The following RFX3 variants were observed in gnomAD, a reference collection of about 807,000 sequenced individuals.
The protein encoded by RFX3 is transcription factor RFX3.
RFX3 carries 14 observed loss-of-function variants against 98.6 expected under a neutral mutation model. The ratio of observed to expected loss-of-function variants is 0.14; its 90% confidence interval spans 0.09 to 0.22. The LOEUF (loss-of-function observed/expected upper bound fraction) is 0.22, where lower values mean the gene tolerates loss of function less well. Among genes scored for constraint, RFX3 ranks in the 10% least tolerant of loss-of-function variants. The pLI, the probability that RFX3 is intolerant of heterozygous loss-of-function variation, is 1.00. For missense variants in RFX3, 639 were observed against 926.9 expected (o/e 0.69, Z 4.03); for synonymous variants, 383 against 328.4 (o/e 1.17, Z -1.80).
At chr9:3,472,762 A>G (rs1477121790) in intron 1 of RFX3, among the ~76,000 whole-genome samples, 1 of 152,202 alleles carries the variant, frequency 6.6e-6, no homozygotes, top group Non-Finnish European at 1.5e-5. Flanking sequence ...AGGCTTATCA[A>G]ATCCCTATCT....
rs780468867 is a variant in RFX3, at chr9:3,271,106, C to T, written c.1099G>A (p.Val367Ile). ...AGGCTAAATTGAAGATTCACAACAA[C>T]GTCCAATATTGCCTAAAAAACAAAA... is the stretch of plus-strand genomic sequence containing the variant. ...YREHCEAILDVVVNLQFSLIE... is the reference protein window; with the variant it reads ...YREHCEAILDIVVNLQFSLIE... Residue 367 changes from valine to isoleucine, a missense_variant, in exon 10 of 17, where the codon GTT (valine) becomes ATT (isoleucine). By Grantham distance (29) the Val-to-Ile change is conservative (BLOSUM62 3). Transcript: ENST00000617270. 168 of 1,613,468 alleles carry T rather than the reference C, an allele frequency of 1.0e-4. No homozygotes were observed. Among genetic ancestry groups the T allele is most frequent in the Admixed American group, 3.3e-5 (2 of 59,964 alleles).
At position 3,463,816 on chromosome 9, in the gene RFX3, T is replaced by TA. The variant is rs570798019; in HGVS notation, c.-9+61930dup. ...GGAGACCCCAGTATCTACAAAAAGTTAAAAAAAATTAGCCAGGCATGGAGG... is the reference window on the plus strand; with the variant it reads ...GGAGACCCCAGTATCTACAAAAAGTTAAAAAAAAATTAGCCAGGCATGGAGG... On this transcript the variant is annotated intron_variant, in intron 1 of 16. Coordinates refer to ENST00000617270, the MANE Select transcript of RFX3 (RefSeq NM_001282116.2). Among the ~76,000 whole-genome samples, 319 of 151,558 alleles carry TA rather than the reference T, an allele frequency of 2.1e-3. 2 individuals carry two copies. The highest frequency in any genetic ancestry group is 7.4e-3 in the African/African-American group (305 of 41,318).
At chr9:3,256,330 G>C (rs1489642320) in intron 14 of RFX3, among the ~76,000 whole-genome samples, 1 of 101,736 alleles carries the variant, frequency 9.8e-6, no homozygotes, top group Non-Finnish European at 1.9e-5. Context: ...AGGCACCTAG[G>C]ATTTGTTTCT....
intron 15 of RFX3, chr9:3,247,641 C>T (rs1396318322): frequency 1.2e-5 from 17 of 1,368,200 alleles, no homozygotes; most frequent in Non-Finnish European, 1.4e-5. Flanking sequence ...TTCTTGGAGA[C>T]CGGGAAAGAG....
intron 1 of RFX3, chr9:3,400,374 C>G (rs549548783): frequency 5.3e-6 from 1 of 188,234 alleles, no homozygotes; most frequent in South Asian, 1.8e-4. Flanking sequence ...AACTTTCCAT[C>G]AAGCCTCCAG....
chr9:3,345,569 A>G (rs1382080157), intron 3 of RFX3, among the ~76,000 whole-genome samples: 2 of 152,148 alleles, frequency 1.3e-5, no homozygotes, highest in Admixed American at 1.3e-4. Context: ...TACTTTAAAT[A>G]TATTTCCTTG....
chr9:3,442,308 A>ATGATG (rs1461689146), intron 1 of RFX3, among the ~76,000 whole-genome samples: 3 of 152,144 alleles, frequency 2.0e-5, no homozygotes, highest in Non-Finnish European at 4.4e-5. Flanking sequence ...TTGATACCAT[A>ATGATG]TGATGTGATG....
intron 1 of RFX3, among the ~76,000 whole-genome samples, chr9:3,467,171 A>AC (rs1386181175): frequency 1.6e-5 from 2 of 123,262 alleles, no homozygotes; most frequent in Non-Finnish European, 3.1e-5. Flanking sequence ...ATACGTATAT[A>AC]ATGTATATAT....
rs541554983 is a variant in RFX3 at position 3,517,093 on chromosome 9, A to G, written c.-9+8654T>C. 5.3e-5 allele frequency among the ~76,000 whole-genome samples: 8 copies of G among 152,320 alleles called. No homozygotes were observed. In the South Asian group the frequency reaches 1.5e-3, roughly 28 times the overall value. ...GCAAACAACTTGCTAGCCTTTGAGA[A>G]CATGAGTAAGGGAAATGCCAATTCC... is the stretch of plus-strand genomic sequence containing the variant. On this transcript the variant is annotated intron_variant, in intron 1 of 16. Coordinates refer to ENST00000617270, the MANE Select transcript of RFX3 (RefSeq NM_001282116.2).
chr9:3,293,309 A>G, intron 5 of RFX3, 51 bp from the exon 6 acceptor site: 1 of 1,427,910 alleles, frequency 7.0e-7, no homozygotes, highest in Non-Finnish European at 9.5e-7. Context: ...ATTTGCCAAA[A>G]TTTCTACAAG....
chr9:3,303,544 T>C (rs939720374), intron 4 of RFX3, among the ~76,000 whole-genome samples: 2 of 151,968 alleles, frequency 1.3e-5, no homozygotes, highest in South Asian at 4.1e-4. Flanking sequence ...GAAAGGTAAA[T>C]TACCAGATAC....
chr9:3,477,274 T>C (rs1849353743), intron 1 of RFX3, among the ~76,000 whole-genome samples: 1 of 152,210 alleles, frequency 6.6e-6, no homozygotes, highest in South Asian at 2.1e-4. Context: ...TGCCTGTAGT[T>C]ACCTTTAACC....
chr9:3,507,946 C>T (rs1235313207), intron 1 of RFX3, among the ~76,000 whole-genome samples: 1 of 150,748 alleles, frequency 6.6e-6, no homozygotes, highest in African/African-American at 2.4e-5. Context: ...TGAAAATGGA[C>T]ATGAGACTAT....
chr9:3,403,840 C>T (rs749340953), intron 1 of RFX3, among the ~76,000 whole-genome samples: 2 of 152,128 alleles, frequency 1.3e-5, no homozygotes, highest in Non-Finnish European at 2.9e-5. Context: ...AACAGAGTTT[C>T]CTTTAGATTT....
At chr9:3,274,056 T>A (rs1824884118) in intron 9 of RFX3, among the ~76,000 whole-genome samples, 1 of 152,256 alleles carries the variant, frequency 6.6e-6, no homozygotes, top group East Asian at 1.9e-4. Context: ...GGTAAAAGCA[T>A]AGTAGTCAAA....
chr9:3,255,487 A>T (rs1290225305), intron 14 of RFX3, among the ~76,000 whole-genome samples: 1 of 152,256 alleles, frequency 6.6e-6, no homozygotes, highest in Non-Finnish European at 1.5e-5. Flanking sequence ...GGCTGCACAG[A>T]ATCTACAGTA....
intron 1 of RFX3, among the ~76,000 whole-genome samples, chr9:3,433,133 A>G (rs2132560709): frequency 6.6e-6 from 1 of 152,198 alleles, no homozygotes; most frequent in South Asian, 2.1e-4. Context: ...CTGTATTTTT[A>G]TCTGCATTTG....
chr9:3,474,978 A>T (rs1476607485), intron 1 of RFX3, among the ~76,000 whole-genome samples: 1 of 152,010 alleles, frequency 6.6e-6, no homozygotes, highest in Non-Finnish European at 1.5e-5. Context: ...ACATGCCTAT[A>T]GTCCTAGCTA....
chr9:3,353,153 C>T (rs1180098625), intron 2 of RFX3, among the ~76,000 whole-genome samples: 1 of 139,412 alleles, frequency 7.2e-6, no homozygotes, highest in South Asian at 2.2e-4. Context: ...ACAATGAGAA[C>T]ACATGGACAC....
Sources: gnomAD v4.1 joint callset for allele counts (sites outside exome capture counted in the v4.1 genomes callset) on GRCh38, gnomAD v4.1.1 for gene constraint, MANE v1.5 for transcripts, NCBI Gene and HGNC (gene_info 2026-07-23, HGNC 2026-07-21) for gene names.